The following COL4A5 variants were observed in gnomAD, a reference collection of about 807,000 sequenced individuals.
The protein encoded by COL4A5 is collagen type IV alpha 5 chain, also known as collagen alpha-5(IV) chain.
Under a neutral mutation model 130.2 loss-of-function variants are expected in COL4A5, and 26 were observed. That is an observed-to-expected ratio of 0.20 (90% CI 0.15 to 0.28). COL4A5 has a LOEUF of 0.28. Ranked by LOEUF, COL4A5 falls within the 10% of genes least tolerant of loss-of-function variation. The pLI is 1.00. For missense variants in COL4A5, 1,131 were observed against 1,344.3 expected (o/e 0.84, Z 2.48); for synonymous variants, 496 against 439.6 (o/e 1.13, Z -1.60).
intron 1 of COL4A5, among the ~76,000 whole-genome samples, chrX:108,451,090 C>T (rs903437977): frequency 3.7e-5 from 4 of 107,233 alleles, no homozygotes; most frequent in African/African-American, 6.8e-5. Flanking sequence ...TGAGAACATG[C>T]GGTGTTTGAT....
chrX:108,544,555 T>G (rs949329825), intron 2 of COL4A5, among the ~76,000 whole-genome samples: 1 of 110,785 alleles, frequency 9.0e-6, no homozygotes, highest in Non-Finnish European at 1.9e-5. Flanking sequence ...ATCAGGGATA[T>G]TGGTCTAAAA....
At chrX:108,522,866 TA>T (rs77650810) in intron 1 of COL4A5, among the ~76,000 whole-genome samples, 38,686 of 100,497 alleles carry the variant, frequency 0.38, 7,834 homozygotes, top group East Asian at 0.71. Context: ...TAAACAAAGG[TA>T]AAAAAAAAAT....
intron 1 of COL4A5, among the ~76,000 whole-genome samples, chrX:108,539,190 AG>A (rs1944656177): frequency 9.0e-6 from 1 of 111,487 alleles, no homozygotes; most frequent in Non-Finnish European, 1.9e-5. Flanking sequence ...GAAGAAAAAA[AG>A]GAGAGTTCCT....
intron 1 of COL4A5, among the ~76,000 whole-genome samples, chrX:108,486,585 T>C (rs1026419198): frequency 9.0e-6 from 1 of 111,185 alleles, no homozygotes; most frequent in Admixed American, 9.6e-5. Context: ...CCCTTTCCCA[T>C]GAGTCCCCAA....
chrX:108,536,199 A>G (rs1215299633), intron 1 of COL4A5, among the ~76,000 whole-genome samples: 1 of 111,010 alleles, frequency 9.0e-6, no homozygotes, highest in Non-Finnish European at 1.9e-5. Flanking sequence ...TTCTAGCACC[A>G]TATGTTGAAA....
At chrX:108,460,019 AC>A (rs1315073609) in intron 1 of COL4A5, among the ~76,000 whole-genome samples, 2 of 111,974 alleles carry the variant, frequency 1.8e-5, no homozygotes, top group Non-Finnish European at 3.8e-5. Flanking sequence ...ATTTTTCCTA[AC>A]TTTCCTACAT....
intron 34 of COL4A5, 138 bp from the exon 35 acceptor site, chrX:108,625,567 A>G (rs923766818): frequency 1.7e-5 from 8 of 481,271 alleles, no homozygotes; most frequent in Admixed American, 1.2e-4. Flanking sequence ...GTTGGGTTCT[A>G]TCTGTGGACC....
intron 34 of COL4A5, among the ~76,000 whole-genome samples, chrX:108,625,206 G>C (rs2067130056): frequency 8.9e-6 from 1 of 112,504 alleles, no homozygotes; most frequent in African/African-American, 3.2e-5. Context: ...TGCCTGTTCA[G>C]GTCACTGCCC....
At chrX:108,650,050 C>G (rs980567903) in intron 36 of COL4A5, among the ~76,000 whole-genome samples, 2 of 109,431 alleles carry the variant, frequency 1.8e-5, no homozygotes, top group Non-Finnish European at 3.8e-5. Context: ...CGAACTCAAA[C>G]AAATCAGTAA....
At chrX:108,607,089 C>T (rs777884597) in intron 29 of COL4A5, among the ~76,000 whole-genome samples, 197 bp downstream of exon 29, 101 of 110,847 alleles carry the variant, frequency 9.1e-4, no homozygotes, top group African/African-American at 3.0e-3. Context: ...AATCATGGCC[C>T]GGCACGGTGG....
intron 17 of COL4A5, among the ~76,000 whole-genome samples, chrX:108,583,573 G>A (rs750128429): frequency 4.5e-5 from 5 of 111,313 alleles, no homozygotes; most frequent in Non-Finnish European, 7.6e-5. Flanking sequence ...GGTTTTTCAG[G>A]CAAGGAAGGA....
chrX:108,513,728 A>T (rs957796601), intron 1 of COL4A5, among the ~76,000 whole-genome samples: 1 of 111,608 alleles, frequency 9.0e-6, no homozygotes, highest in East Asian at 2.8e-4. Flanking sequence ...TGAGTTATTT[A>T]TCCACTTTTT....
At chrX:108,477,404 C>T (rs1311640760) in intron 1 of COL4A5, among the ~76,000 whole-genome samples, 1 of 112,032 alleles carries the variant, frequency 8.9e-6, no homozygotes, top group Non-Finnish European at 1.9e-5. Flanking sequence ...ATAAAGTTAA[C>T]ATACTTAAAT....
chrX:108,505,661 A>G (rs1319471739), intron 1 of COL4A5, among the ~76,000 whole-genome samples: 2 of 112,159 alleles, frequency 1.8e-5, no homozygotes, highest in Non-Finnish European at 3.8e-5. Flanking sequence ...TCTGCAAGCC[A>G]GGAAGAGACC....
intron 1 of COL4A5, among the ~76,000 whole-genome samples, chrX:108,446,404 T>C (rs1339344223): frequency 1.8e-5 from 2 of 112,302 alleles, no homozygotes; most frequent in African/African-American, 6.5e-5. Flanking sequence ...CATGAACATT[T>C]CTTATTCCAT....
chrX:108,622,913 G>T, intron 33 of COL4A5, 88 bp downstream of exon 33: 1 of 913,278 alleles, frequency 1.1e-6, no homozygotes, highest in East Asian at 3.3e-5. Flanking sequence ...TTATAATACA[G>T]AATTCACCAA....
In COL4A5 at chrX:108,692,812, T is replaced by A. The variant is rs2068658108; in HGVS notation, c.4593T>A (p.Asn1531Lys). Reference sequence around the variant, plus strand: ...CTTTCATGTTCTGCAACATCAATAATGTTTGCAACTTTGCTTCAAGAAATG... The same window carrying A: ...CTTTCATGTTCTGCAACATCAATAAAGTTTGCAACTTTGCTTCAAGAAATG... ...TMPFMFCNIN[N>K]VCNFASRNDY... The change falls in exon 50 of 53, where the codon AAT becomes AAA. Residue 1531 changes from asparagine (N) to lysine (K), a missense_variant. By Grantham distance (94) the Asn-to-Lys change is moderately conservative (BLOSUM62 0). Transcript: ENST00000328300. 2 of 1,209,092 alleles carry A rather than the reference T, an allele frequency of 1.7e-6. No individual in the cohort carries two copies. Among genetic ancestry groups the A allele is most frequent in the Admixed American group, 2.2e-5 (1 of 45,678 alleles).
chrX:108,488,071 A>G (rs773780304), intron 1 of COL4A5, among the ~76,000 whole-genome samples: 8 of 112,379 alleles, frequency 7.1e-5, no homozygotes, highest in African/African-American at 2.6e-4. Context: ...TGAAATTTAC[A>G]ATAGAGTGTA....
intron 36 of COL4A5, chrX:108,627,724 G>T (rs1167524634): frequency 7.6e-6 from 2 of 262,568 alleles, no homozygotes; most frequent in Non-Finnish European, 5.2e-6. Flanking sequence ...CTTTTTACAT[G>T]TTTGCAAACC....
Sources: gnomAD v4.1 joint callset for allele counts (sites outside exome capture counted in the v4.1 genomes callset) on GRCh38, gnomAD v4.1.1 for gene constraint, MANE v1.5 for transcripts, NCBI Gene and HGNC (gene_info 2026-07-23, HGNC 2026-07-21) for gene names.